Variants in MSRA observed in about 807,000 individuals in gnomAD.
The protein encoded by MSRA is methionine sulfoxide reductase A.
In MSRA, 54 loss-of-function variants were observed where a neutral mutation model predicts 31.3. That is an observed-to-expected ratio of 1.73 (90% CI 1.39 to 2.17). The LOEUF is 2.17. Ranked by LOEUF, MSRA falls within the 30% of genes most tolerant of loss-of-function variation. MSRA has a pLI of 0.00. For synonymous variants in MSRA, 169 were observed against 116.5 expected, an observed-to-expected ratio of 1.45 and a Z score of -2.90; for missense variants, 507 against 300.9, an observed-to-expected ratio of 1.69 and a Z score of -5.07.
chr8:10,269,941 G>A (rs944931092), intron 3 of MSRA, among the ~76,000 whole-genome samples: 9 of 151,960 alleles, frequency 5.9e-5, no homozygotes, highest in African/African-American at 1.5e-4. Flanking sequence ...GTGAGCCATC[G>A]TGCCTGGCCT....
intron 2 of MSRA, among the ~76,000 whole-genome samples, chr8:10,234,487 A>G (rs1255303079): frequency 6.6e-6 from 1 of 152,094 alleles, no homozygotes; most frequent in African/African-American, 2.4e-5. Flanking sequence ...AAATTGGCCA[A>G]GGGTCAAAGG....
intron 1 of MSRA, among the ~76,000 whole-genome samples, chr8:10,123,540 T>A (rs1399929837): frequency 2.0e-5 from 3 of 152,150 alleles, no homozygotes; most frequent in African/African-American, 7.2e-5. Context: ...CATTTGTCAA[T>A]TTTTTTCTTT....
intron 5 of MSRA, among the ~76,000 whole-genome samples, chr8:10,322,753 G>A (rs1802118949): frequency 6.6e-6 from 1 of 152,112 alleles, no homozygotes; most frequent in Non-Finnish European, 1.5e-5. Flanking sequence ...TTTGCTAAAT[G>A]AAACCCCAGT....
chr8:10,386,625 A>G (rs1379378494), intron 5 of MSRA, among the ~76,000 whole-genome samples: 1 of 152,068 alleles, frequency 6.6e-6, no homozygotes, highest in Non-Finnish European at 1.5e-5. Flanking sequence ...CCTTACCTGG[A>G]GCTTCTGATT....
chr8:10,150,349 A>C (rs1310645875), intron 1 of MSRA, among the ~76,000 whole-genome samples: 1 of 152,154 alleles, frequency 6.6e-6, no homozygotes. Context: ...TATTTGTACA[A>C]ATATGTGCAC....
chr8:10,417,809 A>G (rs1397524647), intron 5 of MSRA, among the ~76,000 whole-genome samples: 5 of 95,872 alleles, frequency 5.2e-5, no homozygotes, highest in South Asian at 6.1e-4. Context: ...CACACGCAGG[A>G]CAAGCATAGC....
chr8:10,354,610 C>T (rs991695243), intron 5 of MSRA, among the ~76,000 whole-genome samples: 3 of 151,876 alleles, frequency 2.0e-5, no homozygotes, highest in Admixed American at 6.6e-5. Context: ...AAATATCGGT[C>T]AGTAAAATCA....
chr8:10,374,176 G>C (rs1377184252), intron 5 of MSRA, among the ~76,000 whole-genome samples: 1 of 152,194 alleles, frequency 6.6e-6, no homozygotes, highest in Non-Finnish European at 1.5e-5. Flanking sequence ...GATCCGTTTG[G>C]TCCCAGAACA....
At position 10,064,830 on chromosome 8, in the gene MSRA, A is replaced by G. The variant is rs111746208; in HGVS notation, c.142+10172A>G. 8.7e-3 allele frequency among the ~76,000 whole-genome samples: 1,323 copies of G among 152,300 alleles called. 19 individuals are homozygous for G. The highest frequency in any genetic ancestry group is 0.029 in the African/African-American group (1,187 of 41,556). On this transcript the variant is annotated intron_variant, in intron 1 of 5. Coordinates refer to ENST00000317173, the MANE Select transcript of MSRA (RefSeq NM_012331.5). ...AATTATTCTTTGGCCTGCTGAAAAG[A>G]TCTGATATTTTAACAGATTGTACCC...
intron 5 of MSRA, among the ~76,000 whole-genome samples, chr8:10,387,184 A>G (rs1045297387): frequency 1.1e-4 from 17 of 152,214 alleles, no homozygotes; most frequent in African/African-American, 4.8e-5. Context: ...GTGACAGATC[A>G]TTGAGATTTA....
At chr8:10,222,922 A>G (rs766979667) in intron 2 of MSRA, among the ~76,000 whole-genome samples, 2 of 152,172 alleles carry the variant, frequency 1.3e-5, no homozygotes, top group Non-Finnish European at 2.9e-5. Flanking sequence ...ATAATAATAC[A>G]TTGTACACTT....
chr8:10,158,089 G>T (rs565679772), intron 1 of MSRA, among the ~76,000 whole-genome samples: 62 of 152,126 alleles, frequency 4.1e-4, no homozygotes, highest in Non-Finnish European at 7.5e-4. Flanking sequence ...ACCTTCTTAC[G>T]GTGTCCTCAC....
At chr8:10,233,899 T>G (rs1811707721) in intron 2 of MSRA, among the ~76,000 whole-genome samples, 1 of 152,064 alleles carries the variant, frequency 6.6e-6, no homozygotes, top group Admixed American at 6.5e-5. Context: ...CCCAGAATAT[T>G]AAGAATAATG....
At chr8:10,081,576 G>A (rs753530897) in intron 1 of MSRA, among the ~76,000 whole-genome samples, 15 of 152,106 alleles carry the variant, frequency 9.9e-5, no homozygotes, top group South Asian at 2.1e-4. Flanking sequence ...TGCAACCTCC[G>A]CCTCCCGGGT....
chr8:10,423,735 G>A (rs1454857982), intron 5 of MSRA, among the ~76,000 whole-genome samples: 1 of 152,206 alleles, frequency 6.6e-6, no homozygotes, highest in Non-Finnish European at 1.5e-5. Context: ...GAACTGGCCA[G>A]GACTCTGTGA....
intron 2 of MSRA, among the ~76,000 whole-genome samples, chr8:10,214,285 T>C (rs1315603066): frequency 6.6e-6 from 1 of 152,114 alleles, no homozygotes; most frequent in Non-Finnish European, 1.5e-5. Context: ...CAGAGACTTG[T>C]CCCTCTCTGG....
At chr8:10,279,003 A>G (rs533056414) in intron 3 of MSRA, among the ~76,000 whole-genome samples, 174 of 152,288 alleles carry the variant, frequency 1.1e-3, no homozygotes, top group Middle Eastern at 3.4e-3. Context: ...AATTGAAAAA[A>G]AATTGCCCCG....
At position 10,167,083 on chromosome 8, in the gene MSRA, C is replaced by T. The variant is rs1318263208; in HGVS notation, c.143-40750C>T. Among the ~76,000 whole-genome samples, 7 of 152,244 alleles carry T rather than the reference C, an allele frequency of 4.6e-5. No individual in the cohort carries two copies. The South Asian group carries it at 8.3e-4, about 18-fold the overall frequency. ...GGCTAATGATGCCCTTTTCATTCTC[C>T]CCTCTTCTTCTTCCCTCCTCTCCAT... On this transcript the variant is annotated intron_variant, in intron 1 of 5. Transcript: ENST00000317173.
intron 3 of MSRA, among the ~76,000 whole-genome samples, chr8:10,258,112 C>T (rs1048861191): frequency 1.3e-5 from 2 of 152,062 alleles, no homozygotes; most frequent in Non-Finnish European, 2.9e-5. Context: ...GGCTAGTGTC[C>T]CTGTTTTTAA....
Sources: gnomAD v4.1 joint callset for allele counts (sites outside exome capture counted in the v4.1 genomes callset) on GRCh38, gnomAD v4.1.1 for gene constraint, MANE v1.5 for transcripts, NCBI Gene and HGNC (gene_info 2026-07-23, HGNC 2026-07-21) for gene names.